The following ZNF529 variants were observed in gnomAD, a reference collection of about 807,000 sequenced individuals.
ZNF529 encodes the protein zinc finger protein 529.
ZNF529 carries 11 observed loss-of-function variants against 10.1 expected under a neutral mutation model. That is an observed-to-expected ratio of 1.09 (90% CI 0.69 to 1.81). ZNF529 has a LOEUF of 1.81. Ranked by LOEUF, ZNF529 falls within the 40% of genes most tolerant of loss-of-function variation. ZNF529 has a pLI of 0.00. For missense variants in ZNF529, 624 were observed against 666.8 expected (o/e 0.94, Z 0.71); for synonymous variants, 204 against 215.7 (o/e 0.95, Z 0.47).
intron 1 of ZNF529, among the ~76,000 whole-genome samples, chr19:36,596,233 C>A (rs1031417928): frequency 3.3e-5 from 5 of 151,490 alleles, no homozygotes; most frequent in African/African-American, 1.2e-4. Flanking sequence ...GCCACCACAC[C>A]TGGCTAATTT....
At chr19:36,568,012 G>C (rs1388209495) in intron 2 of ZNF529, among the ~76,000 whole-genome samples, 1 of 152,122 alleles carries the variant, frequency 6.6e-6, no homozygotes, top group Non-Finnish European at 1.5e-5. Flanking sequence ...AAAGACTTCA[G>C]TAGACATTTC....
chr19:36,578,952 A>G (rs2036402755), intron 2 of ZNF529, among the ~76,000 whole-genome samples: 2 of 151,010 alleles, frequency 1.3e-5, no homozygotes, highest in South Asian at 4.3e-4. Context: ...CATGCCTATA[A>G]TCCCAGCACT....
chr19:36,554,980 T>A (rs1055630446), intron 3 of ZNF529, among the ~76,000 whole-genome samples, 184 bp from the exon 4 acceptor site: 1 of 152,218 alleles, frequency 6.6e-6, no homozygotes, highest in African/African-American at 2.4e-5. Flanking sequence ...AAGACTCCCT[T>A]TGATCCACTG....
chr19:36,579,222 G>T (rs941440274), intron 2 of ZNF529, among the ~76,000 whole-genome samples: 1 of 151,726 alleles, frequency 6.6e-6, no homozygotes, highest in African/African-American at 2.4e-5. Context: ...AATACTACAC[G>T]TGTGAATTAG....
intron 2 of ZNF529, among the ~76,000 whole-genome samples, chr19:36,560,656 G>A (rs1338345295): frequency 4.6e-5 from 7 of 152,106 alleles, no homozygotes; most frequent in Non-Finnish European, 8.8e-5. Flanking sequence ...TGAAACATCT[G>A]TAGATATAAT....
At chr19:36,571,655 A>G (rs1289835134) in intron 2 of ZNF529, among the ~76,000 whole-genome samples, 1 of 148,796 alleles carries the variant, frequency 6.7e-6, no homozygotes, top group African/African-American at 2.5e-5. Context: ...AGCCTGGGCA[A>G]TAACAGTGAA....
At chr19:36,552,951 A>C (rs773944313) in intron 4 of ZNF529, among the ~76,000 whole-genome samples, 2 of 152,184 alleles carry the variant, frequency 1.3e-5, no homozygotes, top group Non-Finnish European at 2.9e-5. Context: ...GAAGCAGTAT[A>C]ATAGTTAAAA....
intron 1 of ZNF529, chr19:36,594,730 T>C (rs1488075013): frequency 6.6e-6 from 1 of 152,080 alleles, no homozygotes; most frequent in East Asian, 1.9e-4. Flanking sequence ...TTGGGGTGGT[T>C]TGTCATGCAG....
intron 2 of ZNF529, among the ~76,000 whole-genome samples, chr19:36,563,901 C>T (rs1693155466): frequency 6.6e-6 from 1 of 152,090 alleles, no homozygotes; most frequent in South Asian, 2.1e-4. Context: ...GTAACCAAAA[C>T]GCAATGGTTT....
chr19:36,582,739 A>G (rs1236787989), intron 2 of ZNF529: 1 of 151,546 alleles, frequency 6.6e-6, no homozygotes, highest in Non-Finnish European at 1.5e-5. Context: ...ATGAGCATAA[A>G]TCAATTAAGT....
chr19:36,546,909 G>A lies in ZNF529; in HGVS notation c.1649C>T (p.Thr550Ile), dbSNP rs540776276. Reference protein sequence around the residue: ...GNSFSVVGHLTCQPKIYTGEK... With the variant: ...GNSFSVVGHLICQPKIYTGEK... ...ACCAGTGTAAATTTTCGGTTGGCAA[G>A]TAAGATGCCCAACAACACTAAAGGA... is the stretch of plus-strand genomic sequence containing the variant. The change falls in exon 5 of 5, where the codon ACT becomes ATT. Residue 550 changes from threonine to isoleucine, a missense_variant. Coordinates refer to ENST00000591340, the MANE Select transcript of ZNF529 (RefSeq NM_020951.5). 1 of 1,612,072 alleles carries A rather than the reference G, an allele frequency of 6.2e-7. No homozygotes were observed. The highest frequency in any genetic ancestry group is 1.1e-5 in the South Asian group (1 of 90,676).
upstream of ZNF529, among the ~76,000 whole-genome samples, chr19:36,573,812 A>AG (rs766126280): frequency 6.6e-6 from 1 of 151,944 alleles, no homozygotes; most frequent in Non-Finnish European, 1.5e-5. Flanking sequence ...TAGGCTGGGG[A>AG]GGGTCGAGGG....
rs1372582386 is a variant in ZNF529, at chr19:36,546,286, G to A, written c.*580C>T. 1.3e-5 allele frequency: 2 copies of A among 151,896 alleles called. No individual in the cohort carries two copies. The highest frequency in any genetic ancestry group is 2.9e-5 in the Non-Finnish European group (2 of 68,354). The allele number at this position is 151,896 out of a possible 1,614,324, so 9.4% of individuals were successfully genotyped here. ...ATGGTGGAATATAACCAGTTCCTAT[G>A]TATGTGTTTTTTTGGGGGGAATATG... On this transcript the variant is annotated 3_prime_UTR_variant, in exon 5 of 5. Coordinates refer to ENST00000591340, the MANE Select transcript of ZNF529 (RefSeq NM_020951.5).
intron 1 of ZNF529, among the ~76,000 whole-genome samples, chr19:36,596,986 G>A (rs961721087): frequency 1.9e-4 from 29 of 151,566 alleles, no homozygotes; most frequent in African/African-American, 3.2e-4. Flanking sequence ...TGATCCTTCC[G>A]CCTCAGCCTC....
In ZNF529 at chr19:36,547,957, A is replaced by T. The variant is rs1345755462; in HGVS notation, c.601T>A (p.Cys201Ser). The T allele has an allele frequency of 6.2e-7, 1 of 1,612,740 alleles. No homozygotes were observed. ...CCAAAGGTTTTCCAACATTGATTAC[A>T]TTCATAGTTTTTTCCACCAGTATGT... The part of the protein sequence containing the change: ...KIHTGGKNYE[C>S]NQCWKTFGID... The change falls in exon 5 of 5, where the codon TGT becomes AGT. Residue 201 changes from cysteine (C) to serine (S), a missense_variant. By Grantham distance (112) the Cys-to-Ser change is moderately radical. Transcript: ENST00000591340.
At chr19:36,586,702 G>A (rs1035738544) in intron 2 of ZNF529, among the ~76,000 whole-genome samples, 2 of 151,956 alleles carry the variant, frequency 1.3e-5, no homozygotes, top group African/African-American at 4.8e-5. Flanking sequence ...TTACTCTCCT[G>A]TTCAGTAGAG....
intron 1 of ZNF529, among the ~76,000 whole-genome samples, chr19:36,593,088 CAA>C (rs1405308942): frequency 1.3e-5 from 2 of 152,136 alleles, no homozygotes; most frequent in African/African-American, 4.8e-5. Context: ...AATAAGGCAA[CAA>C]AATAAATGAA....
chr19:36,599,671 AT>A (rs1459816184), intron 1 of ZNF529, among the ~76,000 whole-genome samples: 1 of 152,188 alleles, frequency 6.6e-6, no homozygotes, highest in African/African-American at 2.4e-5. Context: ...AGGTTACTGA[AT>A]TTTTTTCAAT....
intron 2 of ZNF529, among the ~76,000 whole-genome samples, chr19:36,567,094 A>G (rs1416384064): frequency 6.6e-6 from 1 of 152,202 alleles, no homozygotes; most frequent in Non-Finnish European, 1.5e-5. Flanking sequence ...CCCAATTCAG[A>G]ACTGACTATA....
Sources: gnomAD v4.1 joint callset for allele counts (sites outside exome capture counted in the v4.1 genomes callset) on GRCh38, gnomAD v4.1.1 for gene constraint, MANE v1.5 for transcripts, NCBI Gene and HGNC (gene_info 2026-07-23, HGNC 2026-07-21) for gene names.